Variants in KLF12 observed in about 807,000 individuals in gnomAD.
KLF12 encodes the protein Krueppel-like factor 12.
Under a neutral mutation model 37.8 loss-of-function variants are expected in KLF12, and 9 were observed. The observed-to-expected ratio is 0.24, with a 90% CI of 0.14 to 0.42. The LOEUF (loss-of-function observed/expected upper bound fraction) is 0.42, where lower values mean the gene tolerates loss of function less well. Ranked by LOEUF, KLF12 falls within the 10% of genes least tolerant of loss-of-function variation. The pLI, the probability that KLF12 is intolerant of heterozygous loss-of-function variation, is 1.00. For missense variants in KLF12, 411 were observed against 516.0 expected, an observed-to-expected ratio of 0.80 and a Z score of 1.97; for synonymous variants, 208 against 202.1, an observed-to-expected ratio of 1.03 and a Z score of -0.25.
intron 4 of KLF12, among the ~76,000 whole-genome samples, chr13:73,841,004 C>A (rs996647527): frequency 5.3e-5 from 8 of 152,128 alleles, no homozygotes. Context: ...CTTGATTATA[C>A]CTAAAGCTGT....
the KLF12 span, among the ~76,000 whole-genome samples, chr13:74,281,521 T>G: frequency 6.6e-6 from 1 of 152,196 alleles, no homozygotes. Flanking sequence ...GTATATATTT[T>G]ATTGTAAGGT....
At chr13:73,811,616 G>C (rs1452252300) in intron 5 of KLF12, among the ~76,000 whole-genome samples, 1 of 152,026 alleles carries the variant, frequency 6.6e-6, no homozygotes, top group African/African-American at 2.4e-5. Context: ...CCTCGTAGCT[G>C]TATCAAAACC....
chr13:74,300,182 G>A, the KLF12 span, among the ~76,000 whole-genome samples: 36 of 151,712 alleles, frequency 2.4e-4, no homozygotes, highest in Non-Finnish European at 5.0e-4. Flanking sequence ...GAATGAGAGG[G>A]GAATTTCAAC....
At chr13:73,905,709 GA>G (rs1888248799) in intron 3 of KLF12, among the ~76,000 whole-genome samples, 2 of 149,604 alleles carry the variant, frequency 1.3e-5, no homozygotes, top group South Asian at 4.2e-4. Context: ...TTTAACTCTG[GA>G]TATATAATAA....
intron 3 of KLF12, among the ~76,000 whole-genome samples, chr13:73,900,267 T>C (rs1054856689): frequency 1.6e-4 from 25 of 152,102 alleles, no homozygotes; most frequent in East Asian, 9.7e-4. Flanking sequence ...TAGATGAGAG[T>C]TGGTATCTAA....
rs1300058253 is a variant in KLF12, at chr13:73,686,701, A to C, written c.*8789T>G. On this transcript the variant is annotated 3_prime_UTR_variant, in exon 8 of 8. Coordinates refer to ENST00000377669, the MANE Select transcript of KLF12 (RefSeq NM_007249.5). The stretch of plus-strand genomic sequence containing the variant: ...CTTAACTCCCTGGGGTCAGAGACCC[A>C]AGAGTGTTTTGTAAAATTACATCCA... 2 of 152,260 alleles carry C rather than the reference A, an allele frequency of 1.3e-5. No individual in the cohort carries two copies. Among genetic ancestry groups the C allele is most frequent in the Admixed American group, 6.5e-5 (1 of 15,282 alleles). The allele number at this position is 152,260 out of a possible 1,614,324, so 9.4% of individuals were successfully genotyped here.
intron 1 of KLF12, among the ~76,000 whole-genome samples, chr13:74,100,224 G>A (rs1201649526): frequency 6.6e-6 from 1 of 152,194 alleles, no homozygotes. Flanking sequence ...TCTTACTACA[G>A]TAGCAGGTAT....
chr13:73,962,414 C>G (rs1891047125), intron 2 of KLF12, among the ~76,000 whole-genome samples: 1 of 152,192 alleles, frequency 6.6e-6, no homozygotes, highest in Admixed American at 6.5e-5. Flanking sequence ...GAATACACAT[C>G]AATATGCACT....
chr13:73,932,643 G>A (rs1889741732), intron 3 of KLF12, among the ~76,000 whole-genome samples: 1 of 152,114 alleles, frequency 6.6e-6, no homozygotes, highest in Non-Finnish European at 1.5e-5. Flanking sequence ...TTTTGCCCAT[G>A]TGGTGACCAG....
At chr13:74,041,730 A>ACT in intron 1 of KLF12, among the ~76,000 whole-genome samples, 1 of 144,368 alleles carries the variant, frequency 6.9e-6, no homozygotes, top group Non-Finnish European at 1.5e-5. Flanking sequence ...ACACACACAC[A>ACT]CACCCCTTCA....
intron 1 of KLF12, among the ~76,000 whole-genome samples, chr13:74,067,047 T>A (rs905959431): frequency 6.6e-6 from 1 of 152,136 alleles, no homozygotes; most frequent in Admixed American, 6.6e-5. Context: ...TTTTCAAAAA[T>A]TGGAAAATTA....
At chr13:74,247,865 T>G in the KLF12 span, among the ~76,000 whole-genome samples, 1 of 152,168 alleles carries the variant, frequency 6.6e-6, no homozygotes, top group Non-Finnish European at 1.5e-5. Context: ...GAAGATATTT[T>G]GAATATTATG....
chr13:73,789,510 C>T (rs942066437), intron 5 of KLF12, among the ~76,000 whole-genome samples: 10 of 152,078 alleles, frequency 6.6e-5, no homozygotes, highest in African/African-American at 2.4e-4. Context: ...AAGCCCTAAC[C>T]TGACCCAGGG....
chr13:73,814,860 T>C (rs564238755), intron 4 of KLF12, among the ~76,000 whole-genome samples: 1 of 152,144 alleles, frequency 6.6e-6, no homozygotes, highest in African/African-American at 2.4e-5. Context: ...CAGCAAAGAC[T>C]GAACCAGTCC....
chr13:74,195,215 G>A, the KLF12 span, among the ~76,000 whole-genome samples: 3 of 152,128 alleles, frequency 2.0e-5, no homozygotes, highest in Admixed American at 6.6e-5. Context: ...GAAACTTACA[G>A]ACAGCAGAAT....
chr13:74,302,917 C>T, the KLF12 span, among the ~76,000 whole-genome samples: 1 of 152,076 alleles, frequency 6.6e-6, no homozygotes, highest in African/African-American at 2.4e-5. Flanking sequence ...GTCAGGGCCT[C>T]CTAATTTTCT....
chr13:73,978,738 T>C (rs1299528060), intron 2 of KLF12, among the ~76,000 whole-genome samples: 1 of 152,208 alleles, frequency 6.6e-6, no homozygotes, highest in African/African-American at 2.4e-5. Flanking sequence ...AATAGCAGTG[T>C]TACTTACAGT....
At chr13:74,064,098 A>C (rs929534567) in intron 1 of KLF12, among the ~76,000 whole-genome samples, 1 of 152,192 alleles carries the variant, frequency 6.6e-6, no homozygotes, top group Non-Finnish European at 1.5e-5. Flanking sequence ...AAAAAATCAC[A>C]AACATTCTAT....
intron 1 of KLF12, among the ~76,000 whole-genome samples, chr13:74,089,175 T>G (rs750140311): frequency 2.6e-5 from 4 of 152,168 alleles, no homozygotes; most frequent in Non-Finnish European, 5.9e-5. Flanking sequence ...ATGGGGTAAA[T>G]GAGTCCTATA....
Sources: allele counts gnomAD v4.1 joint callset (sites outside exome capture counted in the v4.1 genomes callset), GRCh38; gene constraint gnomAD v4.1.1; transcripts MANE v1.5; gene names NCBI Gene and HGNC (gene_info 2026-07-23, HGNC 2026-07-21).